NCOA6: variants seen among roughly 807,000 people sequenced by gnomAD.
NCOA6 encodes the protein NRC RAP250.
A neutral mutation model predicts 171.4 loss-of-function variants in NCOA6; 49 were observed. That is an observed-to-expected ratio of 0.29 (90% CI 0.23 to 0.36). The LOEUF is 0.36. Ranked by LOEUF, NCOA6 falls within the 10% of genes least tolerant of loss-of-function variation. The pLI is 1.00. For missense variants in NCOA6, 2,248 were observed against 2,554.5 expected, an observed-to-expected ratio of 0.88 and a Z score of 2.59; for synonymous variants, 910 against 927.5, an observed-to-expected ratio of 0.98 and a Z score of 0.34.
In NCOA6 at chr20:34,736,693, G is replaced by A; in HGVS notation, c.5959C>T (p.Pro1987Ser). The A allele has an allele frequency of 1.2e-6, 2 of 1,606,976 alleles. No homozygotes were observed. The highest frequency in any genetic ancestry group is 8.5e-7 in the Non-Finnish European group (1 of 1,176,158). ...TTALQASVARPELEVNAAIVS... is the reference protein window; with the variant it reads ...TTALQASVARSELEVNAAIVS... ...GTTTTTCCAAAGTACGCCTTACCTG[G>A]TCTGGCAACAGAGGCCTGCAGTGCT... Residue 1987 changes from proline to serine, a missense_variant, in exon 12 of 15, where the codon CCA becomes TCA. Pro to Ser is a moderately conservative substitution (Grantham distance 74). Coordinates refer to ENST00000359003, the MANE Select transcript of NCOA6 (RefSeq NM_014071.5).
At chr20:34,774,681 T>C (rs1364423961) in intron 4 of NCOA6, among the ~76,000 whole-genome samples, 1 of 152,178 alleles carries the variant, frequency 6.6e-6, no homozygotes, top group African/African-American at 2.4e-5. Context: ...CACCTGGCTG[T>C]ATCAACACAG....
intron 14 of NCOA6, among the ~76,000 whole-genome samples, chr20:34,721,238 C>CAAAAAAAA (rs10531679): frequency 8.3e-4 from 55 of 66,044 alleles, no homozygotes; most frequent in African/African-American, 3.2e-3. Context: ...TTCCTCTATA[C>CAAAAAAAA]AAAAAAAAAA....
At chr20:34,765,123 GA>G (rs753843488) in intron 5 of NCOA6, among the ~76,000 whole-genome samples, 1,547 of 131,214 alleles carry the variant, frequency 0.012, 23 homozygotes, top group African/African-American at 0.037. Context: ...TGCTTCACAA[GA>G]AAAAAAAAAA....
At chr20:34,796,120 C>T (rs1325392664) in intron 1 of NCOA6, among the ~76,000 whole-genome samples, 1 of 151,074 alleles carries the variant, frequency 6.6e-6, no homozygotes. Context: ...AAGTAACCTC[C>T]CACCTCAGCC....
At chr20:34,813,043 C>A (rs1416888655) in intron 1 of NCOA6, among the ~76,000 whole-genome samples, 1 of 151,716 alleles carries the variant, frequency 6.6e-6, no homozygotes, top group Non-Finnish European at 1.5e-5. Flanking sequence ...CCTATAATCC[C>A]AGCTACTAGG....
At chr20:34,768,611 A>G in intron 4 of NCOA6, 25 bp from the exon 5 acceptor site, 1 of 1,611,320 alleles carries the variant, frequency 6.2e-7, no homozygotes, top group South Asian at 1.1e-5. Flanking sequence ...AGTGATAAAA[A>G]GGAAATCATT....
intron 8 of NCOA6, among the ~76,000 whole-genome samples, chr20:34,750,730 A>G (rs1326213019): frequency 6.6e-6 from 1 of 152,228 alleles, no homozygotes; most frequent in African/African-American, 2.4e-5. Flanking sequence ...ACCATATAAT[A>G]GAGAAGGAGA....
At chr20:34,822,564 G>A (rs561377735) in intron 1 of NCOA6, among the ~76,000 whole-genome samples, 1 of 152,118 alleles carries the variant, frequency 6.6e-6, no homozygotes, top group South Asian at 2.1e-4. Flanking sequence ...CTTTGGCATC[G>A]ACCATCCTGA....
intron 14 of NCOA6, among the ~76,000 whole-genome samples, chr20:34,726,029 G>C (rs1187297366): frequency 6.6e-6 from 1 of 152,190 alleles, no homozygotes; most frequent in Non-Finnish European, 1.5e-5. Flanking sequence ...TCTGAGGAAG[G>C]TCACCATCTA....
Position 34,757,394 on chromosome 20 carries a change from G to A in NCOA6, c.1354C>T (p.Gln452Ter). 1 of 1,614,060 alleles carries A rather than the reference G, an allele frequency of 6.2e-7. No individual in the cohort carries two copies. The highest frequency in any genetic ancestry group is 2.2e-5 in the East Asian group (1 of 44,882). Residue 452 changes from glutamine to a stop codon, truncating the protein, a stop_gained, in exon 7 of 15, where the codon CAG becomes TAG. Coordinates refer to ENST00000359003, the MANE Select transcript of NCOA6 (RefSeq NM_014071.5). LOFTEE classifies it high-confidence loss of function. ...SSPTVNQTQQ[Q>*]MGPRPPQNNP... Reference sequence around the variant, plus strand: ...TTTTGAGGTGGCCTTGGTCCCATCTGCTGCTGAGTTTGGTTAACCGTTGGG... The same window carrying A: ...TTTTGAGGTGGCCTTGGTCCCATCTACTGCTGAGTTTGGTTAACCGTTGGG...
chr20:34,760,823 C>T (rs1309270713), intron 5 of NCOA6, among the ~76,000 whole-genome samples: 1 of 151,964 alleles, frequency 6.6e-6, no homozygotes, highest in Non-Finnish European at 1.5e-5. Flanking sequence ...CTATAATATT[C>T]ACCTTTTAAA....
At chr20:34,736,295 T>A (rs1251415970) in intron 12 of NCOA6, among the ~76,000 whole-genome samples, 1 of 152,176 alleles carries the variant, frequency 6.6e-6, no homozygotes, top group Non-Finnish European at 1.5e-5. Context: ...ACTGTCATAA[T>A]AAAATTACAA....
chr20:34,754,853 A>G lies in NCOA6; in HGVS notation c.1544T>C (p.Leu515Pro). The change falls in exon 8 of 15, where the codon CTC becomes CCC. Residue 515 changes from leucine to proline, a missense_variant. Transcript: ENST00000359003. The stretch of plus-strand genomic sequence containing the variant: ...CTGTCCTGCTGAGAAGCCAGGTGGG[A>G]GGCGTTTAGGCATTCCTTAATAGAA... ...HPGLGGMPKR[L>P]PPGFSAGQAN... 1 of 1,614,086 alleles carries G rather than the reference A, an allele frequency of 6.2e-7. No homozygotes were observed. The highest frequency in any genetic ancestry group is 8.5e-7 in the Non-Finnish European group (1 of 1,180,014).
chr20:34,822,085 G>T (rs1224268593), intron 1 of NCOA6, among the ~76,000 whole-genome samples: 1 of 152,102 alleles, frequency 6.6e-6, no homozygotes, highest in Non-Finnish European at 1.5e-5. Flanking sequence ...CCTTAGTTCA[G>T]ATCCTCATTA....
intron 3 of NCOA6, 23 bp from the exon 4 acceptor site, chr20:34,776,471 TTA>T: frequency 6.2e-7 from 1 of 1,611,034 alleles, no homozygotes; most frequent in Non-Finnish European, 8.5e-7. Flanking sequence ...AGAAAAAGAA[TTA>T]TATTAATAAT....
At chr20:34,779,281 C>T (rs1371563322) in intron 3 of NCOA6, among the ~76,000 whole-genome samples, 4 of 152,028 alleles carry the variant, frequency 2.6e-5, no homozygotes, top group African/African-American at 7.2e-5. Flanking sequence ...GAGGCCGAGG[C>T]GGGCAGATCA....
At chr20:34,758,244 T>C (rs959829) in intron 6 of NCOA6, 140 bp from the exon 7 acceptor site, 411,292 of 1,143,360 alleles carry the variant, frequency 0.36, 79,696 homozygotes, top group Admixed American at 0.57. Context: ...ATACCTTCTA[T>C]GTATGAAGCA....
rs1352156026 is a variant in NCOA6 at position 34,730,706 on chromosome 20, TCTAGA to T, written c.5999+1848_5999+1852del. Among the ~76,000 whole-genome samples, 6 of 132,974 alleles carry T rather than the reference TCTAGA, an allele frequency of 4.5e-5. No homozygotes were observed. In the East Asian group the frequency reaches 1.3e-3, roughly 29 times the overall value. The allele number at this position is 132,974 out of a possible 152,430, so 87.2% of individuals were successfully genotyped here. A position where few individuals can be genotyped will look rare whatever the true frequency, so the allele number is the denominator to read the frequency against. On this transcript the variant is annotated intron_variant, in intron 13 of 14. Transcript: ENST00000359003. ...GACTATGCTATTTAATGCTCTATGT[TCTAGA>T]CTTTTTTTTTTTTTTTTTTAAGATA...
At chr20:34,748,217 C>T (rs575086695) in intron 9 of NCOA6, among the ~76,000 whole-genome samples, 1 of 151,924 alleles carries the variant, frequency 6.6e-6, no homozygotes, top group Non-Finnish European at 1.5e-5. Flanking sequence ...AATAATTATT[C>T]CCATAGGTTG....
Sources: allele counts gnomAD v4.1 joint callset (sites outside exome capture counted in the v4.1 genomes callset), GRCh38; gene constraint gnomAD v4.1.1; transcripts MANE v1.5; gene names NCBI Gene and HGNC (gene_info 2026-07-23, HGNC 2026-07-21).